Variants in ZDHHC14 observed in about 807,000 individuals in gnomAD.
ZDHHC14 encodes the protein zDHHC palmitoyltransferase 14, also known as palmitoyltransferase ZDHHC14.
In ZDHHC14, 16 loss-of-function variants were observed where a neutral mutation model predicts 47.7. The ratio of observed to expected loss-of-function variants is 0.34; its 90% CI spans 0.23 to 0.51. ZDHHC14 has a LOEUF of 0.51. Ranked by LOEUF, ZDHHC14 falls within the 20% of genes least tolerant of loss-of-function variation. The pLI, the probability that ZDHHC14 is intolerant of heterozygous loss-of-function variation, is 0.97. For missense variants in ZDHHC14, 515 were observed against 662.5 expected (o/e 0.78, Z 2.44); for synonymous variants, 293 against 278.9 (o/e 1.05, Z -0.50).
intron 2 of ZDHHC14, among the ~76,000 whole-genome samples, chr6:157,557,589 C>A (rs1423382717): frequency 1.3e-5 from 2 of 152,144 alleles, no homozygotes; most frequent in African/African-American, 2.4e-5. Context: ...ATTTTAGGGG[C>A]AAGACTTTGG....
chr6:157,444,054 G>C (rs776482830), intron 1 of ZDHHC14, among the ~76,000 whole-genome samples: 1 of 152,124 alleles, frequency 6.6e-6, no homozygotes, highest in African/African-American at 2.4e-5. Flanking sequence ...GTAATATTTT[G>C]TTTATTCCTC....
chr6:157,659,285 T>A (rs961689488), intron 8 of ZDHHC14, among the ~76,000 whole-genome samples: 1 of 152,352 alleles, frequency 6.6e-6, no homozygotes, highest in African/African-American at 2.4e-5. Context: ...TTGTATTTTT[T>A]AAACATTCTG....
At chr6:157,611,944 A>T (rs1469225021) in intron 3 of ZDHHC14, among the ~76,000 whole-genome samples, 1 of 151,350 alleles carries the variant, frequency 6.6e-6, no homozygotes. Context: ...TCTAGCTCAG[A>T]CCTCTCCTCA....
chr6:157,404,591 C>T (rs1777706684), intron 1 of ZDHHC14, among the ~76,000 whole-genome samples: 1 of 152,170 alleles, frequency 6.6e-6, no homozygotes, highest in Admixed American at 6.5e-5. Flanking sequence ...TCTCCTGTCT[C>T]TCTAAAGTGC....
In ZDHHC14 at chr6:157,522,890, ATCCTTCCTTCCT is replaced by A. The variant is rs1170981998; in HGVS notation, c.246-19673_246-19662del. Among the ~76,000 whole-genome samples, 4 of 25,698 alleles carry A rather than the reference ATCCTTCCTTCCT, an allele frequency of 1.6e-4. 1 individual carries two copies. Among genetic ancestry groups the A allele is most frequent in the East Asian group, 6.3e-4 (1 of 1,592 alleles). 16.9% of individuals were successfully genotyped at this position (25,698 alleles called of 152,430 possible). ...CCTTGCTCCCTCCCATCTTCCTACC[ATCCTTCCTTCCT>A]TCCTTCCTTCCTTCCTTCCTTTCTT... On this transcript the variant is annotated intron_variant, in intron 1 of 8. Coordinates refer to ENST00000359775, the MANE Select transcript of ZDHHC14 (RefSeq NM_024630.3).
intron 8 of ZDHHC14, among the ~76,000 whole-genome samples, chr6:157,655,754 G>A (rs1467807568): frequency 6.6e-6 from 1 of 152,228 alleles, no homozygotes; most frequent in Non-Finnish European, 1.5e-5. Context: ...CATGAAGGAA[G>A]CATTAAGAAC....
chr6:157,613,735 T>C lies in ZDHHC14; in HGVS notation c.566-14614T>C, dbSNP rs149615725. ...ATAAGTTATTTCAGTTTCTGTGAAC[T>C]AACCTGATAGGTCATCCATTCTTAA... On this transcript the variant is annotated intron_variant, in intron 3 of 8. Coordinates refer to ENST00000359775, the MANE Select transcript of ZDHHC14 (RefSeq NM_024630.3). Among the ~76,000 whole-genome samples, 8 of 152,286 alleles carry C rather than the reference T, an allele frequency of 5.3e-5. No homozygotes were observed. In the East Asian group the frequency reaches 1.5e-3, roughly 29 times the overall value.
At chr6:157,665,091 T>C (rs1778495764) in intron 8 of ZDHHC14, among the ~76,000 whole-genome samples, 1 of 152,212 alleles carries the variant, frequency 6.6e-6, no homozygotes, top group Non-Finnish European at 1.5e-5. Flanking sequence ...CCTTGTGAGT[T>C]TCCCTTCCCT....
chr6:157,598,907 C>T (rs1784232446), intron 3 of ZDHHC14, among the ~76,000 whole-genome samples: 1 of 152,138 alleles, frequency 6.6e-6, no homozygotes, highest in African/African-American at 2.4e-5. Flanking sequence ...CTGAAAATGT[C>T]ATCTGATGAA....
intron 1 of ZDHHC14, among the ~76,000 whole-genome samples, chr6:157,534,426 C>T (rs1159300552): frequency 1.3e-5 from 2 of 152,126 alleles, no homozygotes; most frequent in Non-Finnish European, 2.9e-5. Context: ...GGTTGCCATG[C>T]CTAAGTAATG....
chr6:157,578,240 T>G (rs2114868535), intron 2 of ZDHHC14, among the ~76,000 whole-genome samples: 1 of 152,368 alleles, frequency 6.6e-6, no homozygotes, highest in Non-Finnish European at 1.5e-5. Context: ...CAATTGCTAT[T>G]GGTGTCTTCA....
chr6:157,424,336 T>C (rs967623635), intron 1 of ZDHHC14, among the ~76,000 whole-genome samples: 2 of 152,130 alleles, frequency 1.3e-5, no homozygotes, highest in African/African-American at 2.4e-5. Context: ...TAAAGAAGAG[T>C]GAAGGCAGTA....
chr6:157,389,867 AAAAT>A (rs1344121678), intron 1 of ZDHHC14, among the ~76,000 whole-genome samples: 16 of 152,168 alleles, frequency 1.1e-4, no homozygotes, highest in African/African-American at 3.6e-4. Context: ...TTTTAAAAGA[AAAAT>A]AAATTTATGT....
intron 1 of ZDHHC14, among the ~76,000 whole-genome samples, chr6:157,478,216 G>C (rs984132336): frequency 1.4e-5 from 2 of 141,018 alleles, no homozygotes; most frequent in Non-Finnish European, 3.3e-5. Context: ...CTACTTTGAA[G>C]CAATCATGAT....
chr6:157,590,917 AG>A (rs1304123818), intron 2 of ZDHHC14, among the ~76,000 whole-genome samples: 2 of 152,266 alleles, frequency 1.3e-5, no homozygotes, highest in African/African-American at 4.8e-5. Context: ...CTCTTGCATC[AG>A]CATGACCTGC....
Position 157,672,784 on chromosome 6 carries a change from C to T in ZDHHC14, c.1129C>T (p.Leu377=), listed in dbSNP as rs752033373. The change falls in exon 9 of 9, where the codon CTG becomes TTG. Residue 377 remains leucine, a synonymous_variant. Coordinates refer to ENST00000359775, the MANE Select transcript of ZDHHC14 (RefSeq NM_024630.3). ...KFVLQAAATP[L]LQSEPSLTSD... is the part of the protein sequence containing the mutation. ...CGTTTTGCAGGCTGCAGCCACGCCCCTGCTGCAGAGCGAGCCCAGCCTCAC... is the reference window on the plus strand; with the variant it reads ...CGTTTTGCAGGCTGCAGCCACGCCCTTGCTGCAGAGCGAGCCCAGCCTCAC... 2 of 1,612,948 alleles carry T rather than the reference C, an allele frequency of 1.2e-6. No homozygotes were observed. Among genetic ancestry groups the T allele is most frequent in the South Asian group, 1.1e-5 (1 of 91,064 alleles).
chr6:157,471,878 T>G (rs1779363180), intron 1 of ZDHHC14, among the ~76,000 whole-genome samples: 1 of 152,176 alleles, frequency 6.6e-6, no homozygotes, highest in African/African-American at 2.4e-5. Context: ...GAGTTCCTCT[T>G]AAGGATCAAA....
Position 157,655,819 on chromosome 6 carries a change from A to G in ZDHHC14, c.1068+2192A>G, listed in dbSNP as rs899396666. Among the ~76,000 whole-genome samples the G allele has an allele frequency of 3.3e-5, 5 of 152,306 alleles. No individual in the cohort carries two copies. In the South Asian group the frequency reaches 6.2e-4, roughly 19 times the overall value. On this transcript the variant is annotated intron_variant, in intron 8 of 8. Transcript: ENST00000359775. Reference sequence around the variant, plus strand: ...TGTCCTTGTCAAAACCAGTGGACTTATGTTCTTCTTACCCTGTGACCCCCA... The same window carrying G: ...TGTCCTTGTCAAAACCAGTGGACTTGTGTTCTTCTTACCCTGTGACCCCCA...
intron 2 of ZDHHC14, among the ~76,000 whole-genome samples, chr6:157,554,094 C>T (rs747142612): frequency 2.0e-5 from 3 of 152,228 alleles, no homozygotes; most frequent in Non-Finnish European, 4.4e-5. Context: ...GGAGAAAACA[C>T]AAGTCCAAGT....
Sources: gnomAD v4.1 joint callset for allele counts (sites outside exome capture counted in the v4.1 genomes callset) on GRCh38, gnomAD v4.1.1 for gene constraint, MANE v1.5 for transcripts, NCBI Gene and HGNC (gene_info 2026-07-23, HGNC 2026-07-21) for gene names.